Variants in MYT1L observed in about 807,000 individuals in gnomAD.
MYT1L encodes myelin transcription factor 1-like protein.
MYT1L carries 12 observed loss-of-function variants against 126.7 expected under a neutral mutation model. That is an observed-to-expected ratio of 0.09 (90% CI 0.06 to 0.15). The LOEUF is 0.15. Among genes scored for constraint, MYT1L ranks in the 10% least tolerant of loss-of-function variants. The pLI, the probability that MYT1L is intolerant of heterozygous loss-of-function variation, is 1.00. For missense variants in MYT1L, 979 were observed against 1,585.2 expected (o/e 0.62, Z 6.49); for synonymous variants, 541 against 604.2 (o/e 0.90, Z 1.53).
intron 3 of MYT1L, among the ~76,000 whole-genome samples, chr2:2,078,806 G>A (rs2075497366): frequency 6.6e-6 from 1 of 152,324 alleles, no homozygotes; most frequent in African/African-American, 2.4e-5. Context: ...CCCATTTGCA[G>A]GGTAGAATAT....
In MYT1L at chr2:1,813,575, G is replaced by C. The variant is rs566570639; in HGVS notation, c.3081-4408C>G. ...CATTCTCACCTGAGCTCCGCCTCCC[G>C]ACACGTCAGCGGCGGGATTCGATTC... is the stretch of plus-strand genomic sequence containing the variant. On this transcript the variant is annotated intron_variant, in intron 21 of 24. Coordinates refer to ENST00000647738, the MANE Select transcript of MYT1L (RefSeq NM_001303052.2). Among the ~76,000 whole-genome samples, 5 of 152,266 alleles carry C rather than the reference G, an allele frequency of 3.3e-5. No homozygotes were observed. The East Asian group carries it at 9.7e-4, about 30-fold the overall frequency.
At chr2:2,235,073 C>A (rs920492322) in intron 2 of MYT1L, among the ~76,000 whole-genome samples, 1 of 152,190 alleles carries the variant, frequency 6.6e-6, no homozygotes, top group Non-Finnish European at 1.5e-5. Flanking sequence ...CCACCAATTT[C>A]TCTTCTCTTC....
chr2:2,316,920 C>T (rs777746845), intron 1 of MYT1L, among the ~76,000 whole-genome samples: 2 of 151,994 alleles, frequency 1.3e-5, no homozygotes, highest in Non-Finnish European at 2.9e-5. Flanking sequence ...CAGCAATTCT[C>T]CTGCCTCAGC....
chr2:2,243,095 C>A (rs913714916), intron 2 of MYT1L, among the ~76,000 whole-genome samples: 1 of 151,936 alleles, frequency 6.6e-6, no homozygotes, highest in Non-Finnish European at 1.5e-5. Context: ...AAGGAAGGGC[C>A]CCAGGTGGAG....
At chr2:2,028,188 G>C (rs2065841438) in intron 4 of MYT1L, among the ~76,000 whole-genome samples, 1 of 152,266 alleles carries the variant, frequency 6.6e-6, no homozygotes. Flanking sequence ...CTAGCATCTG[G>C]GTCTGGCACA....
chr2:2,260,343 G>T (rs909520461), intron 2 of MYT1L, among the ~76,000 whole-genome samples: 23 of 152,246 alleles, frequency 1.5e-4, no homozygotes, highest in Admixed American at 1.1e-3. Context: ...AATTGTAAAG[G>T]CATATACAGA....
chr2:2,315,194 G>T (rs910775503), intron 1 of MYT1L, among the ~76,000 whole-genome samples: 2 of 152,022 alleles, frequency 1.3e-5, no homozygotes, highest in Non-Finnish European at 2.9e-5. Flanking sequence ...CTTTTCTCTG[G>T]TTATGTCTTG....
Position 1,852,969 on chromosome 2 carries a change from C to T in MYT1L, c.2712-1266G>A, listed in dbSNP as rs1200356413. ...GTGCTTGCTTACAGGTGGGCTTTCT[C>T]AAGATCAGAGGAGAATGGCAGGGAT... On this transcript the variant is annotated intron_variant, in intron 18 of 24. Transcript: ENST00000647738. The surrounding 1 kb of genome is among the most constrained non-coding windows in gnomAD (Gnocchi z 4.0). 6.6e-6 allele frequency among the ~76,000 whole-genome samples: 1 copy of T among 152,204 alleles called. No homozygotes were observed.
Position 1,811,040 on chromosome 2 carries a change from C to G in MYT1L, c.3081-1873G>C, listed in dbSNP as rs2036544947. 6.6e-6 allele frequency: 1 copy of G among 152,128 alleles called. No individual in the cohort carries two copies. The highest frequency in any genetic ancestry group is 2.4e-5 in the African/African-American group (1 of 41,422). The allele number at this position is 152,128 out of a possible 1,614,324, so 9.4% of individuals were successfully genotyped here. A position where few individuals can be genotyped will look rare whatever the true frequency, so the allele number is the denominator to read the frequency against. The stretch of plus-strand genomic sequence containing the variant: ...CGTGCCCTTATAACAGGGACCCAGA[C>G]AGCTCCTTAACCCCTTCTCCCATGT... On this transcript the variant is annotated intron_variant, in intron 21 of 24. Coordinates refer to ENST00000647738, the MANE Select transcript of MYT1L (RefSeq NM_001303052.2). The surrounding 1 kb of genome is among the most constrained non-coding windows in gnomAD (Gnocchi z 4.4).
At chr2:2,140,255 A>G (rs1385076570) in intron 3 of MYT1L, among the ~76,000 whole-genome samples, 1 of 152,172 alleles carries the variant, frequency 6.6e-6, no homozygotes, top group Non-Finnish European at 1.5e-5. Context: ...TGCCATAGCA[A>G]ATTTAAAATT....
intron 8 of MYT1L, among the ~76,000 whole-genome samples, chr2:1,961,673 T>G (rs1322245366): frequency 1.3e-5 from 2 of 152,228 alleles, no homozygotes; most frequent in Non-Finnish European, 2.9e-5. Flanking sequence ...TAAATGTCTA[T>G]GATTTTAAAA....
At chr2:2,185,601 G>A (rs1280565795) in intron 2 of MYT1L, among the ~76,000 whole-genome samples, 1 of 146,986 alleles carries the variant, frequency 6.8e-6, no homozygotes, top group African/African-American at 2.6e-5. Context: ...AGGCCTTCCG[G>A]GCCTTCCCGA....
At chr2:2,067,878 TCACAAGCGGGAA>T (rs555766496) in intron 3 of MYT1L, among the ~76,000 whole-genome samples, 122 of 152,222 alleles carry the variant, frequency 8.0e-4, no homozygotes, top group Non-Finnish European at 1.5e-3. Context: ...GTTAAGCATT[TCACAAGCGGGAA>T]CACATACACC....
chr2:2,127,879 G>A (rs777015221), intron 3 of MYT1L, among the ~76,000 whole-genome samples: 5 of 152,102 alleles, frequency 3.3e-5, no homozygotes, highest in Non-Finnish European at 7.3e-5. Flanking sequence ...CAAAGAATAG[G>A]GTTTGAATTC....
chr2:2,211,335 T>C (rs537650708), intron 2 of MYT1L, among the ~76,000 whole-genome samples: 2 of 152,352 alleles, frequency 1.3e-5, no homozygotes, highest in East Asian at 3.9e-4. Flanking sequence ...GACAAGGTTC[T>C]TTTTAAAGTA....
chr2:1,959,804 G>A (rs1275567209), intron 8 of MYT1L, among the ~76,000 whole-genome samples: 1 of 152,218 alleles, frequency 6.6e-6, no homozygotes, highest in Non-Finnish European at 1.5e-5. Context: ...TGTCCACAGT[G>A]CAGCCACATA....
intron 3 of MYT1L, among the ~76,000 whole-genome samples, chr2:2,160,991 C>T (rs188067527): frequency 0.015 from 2,249 of 152,036 alleles, 52 homozygotes; most frequent in African/African-American, 0.051. Flanking sequence ...CCAAGGCGGG[C>T]GGATCACTTG....
At chr2:2,093,255 A>G (rs1419327147) in intron 3 of MYT1L, among the ~76,000 whole-genome samples, 1 of 149,670 alleles carries the variant, frequency 6.7e-6, no homozygotes, top group Non-Finnish European at 1.5e-5. Flanking sequence ...GGAGTGGAGA[A>G]AGTCAATGAG....
chr2:2,183,009 T>C (rs1572220839), intron 2 of MYT1L, among the ~76,000 whole-genome samples: 2 of 149,574 alleles, frequency 1.3e-5, no homozygotes, highest in African/African-American at 5.0e-5. Flanking sequence ...GGTGGGGAGG[T>C]TTTCCGAGGA....
Sources: allele counts gnomAD v4.1 joint callset (sites outside exome capture counted in the v4.1 genomes callset), GRCh38; gene constraint gnomAD v4.1.1; non-coding constraint Gnocchi (gnomAD v3.1); transcripts MANE v1.5; gene names NCBI Gene and HGNC (gene_info 2026-07-23, HGNC 2026-07-21).